ADGRL3: variants seen among roughly 807,000 people sequenced by gnomAD.
The protein encoded by ADGRL3 is calcium-independent alpha-latrotoxin receptor 3.
Under a neutral mutation model 153.5 loss-of-function variants are expected in ADGRL3, and 62 were observed. The observed-to-expected ratio is 0.40, with a 90% CI of 0.33 to 0.50. The LOEUF (loss-of-function observed/expected upper bound fraction) is 0.50. Ranked by LOEUF, ADGRL3 falls within the 20% of genes least tolerant of loss-of-function variation. The pLI, the probability that ADGRL3 is intolerant of heterozygous loss-of-function variation, is 0.47. For synonymous variants in ADGRL3, 710 were observed against 672.5 expected, an observed-to-expected ratio of 1.06 and a Z score of -0.86; for missense variants, 1,641 against 1,859.4, an observed-to-expected ratio of 0.88 and a Z score of 2.16.
At chr4:61,897,448 A>G (rs1167801795) in intron 11 of ADGRL3, among the ~76,000 whole-genome samples, 2 of 152,322 alleles carry the variant, frequency 1.3e-5, no homozygotes, top group East Asian at 3.9e-4. Context: ...TCAAGACATC[A>G]TACTTAACCA....
At chr4:61,390,788 C>G (rs2096793125) in intron 2 of ADGRL3, among the ~76,000 whole-genome samples, 1 of 152,102 alleles carries the variant, frequency 6.6e-6, no homozygotes, top group Non-Finnish European at 1.5e-5. Flanking sequence ...ACAGTTTTAT[C>G]ACCTAAAAAT....
intron 6 of ADGRL3, among the ~76,000 whole-genome samples, chr4:61,703,451 A>C (rs899248289): frequency 2.0e-5 from 3 of 152,128 alleles, no homozygotes; most frequent in African/African-American, 7.2e-5. Context: ...ATGCTGAGAA[A>C]TTAGTATTTA....
intron 8 of ADGRL3, among the ~76,000 whole-genome samples, chr4:61,805,672 T>G (rs1461623300): frequency 6.6e-6 from 1 of 152,168 alleles, no homozygotes; most frequent in African/African-American, 2.4e-5. Context: ...TTAATCCAAG[T>G]TTTTCATATT....
intron 2 of ADGRL3, among the ~76,000 whole-genome samples, chr4:61,395,619 T>C (rs571784291): frequency 2.6e-5 from 4 of 152,058 alleles, no homozygotes; most frequent in East Asian, 3.9e-4. Flanking sequence ...ATGACAAATA[T>C]AATAAAAACA....
At chr4:61,479,746 G>T (rs1011103162) in intron 2 of ADGRL3, among the ~76,000 whole-genome samples, 3 of 151,968 alleles carry the variant, frequency 2.0e-5, no homozygotes, top group African/African-American at 7.3e-5. Context: ...TTTGCATAAT[G>T]GTTTAAAATT....
At chr4:61,874,965 C>T (rs976758342) in intron 9 of ADGRL3, among the ~76,000 whole-genome samples, 4 of 150,828 alleles carry the variant, frequency 2.7e-5, no homozygotes, top group Non-Finnish European at 5.9e-5. Context: ...CCCACCACCG[C>T]GCCCGGCTAA....
Position 61,979,766 on chromosome 4 carries a change from C to T in ADGRL3, c.3009C>T (p.Asp1003=), listed in dbSNP as rs372153202. The T allele has an allele frequency of 4.3e-6, 7 of 1,613,460 alleles. No homozygotes were observed. The African/African-American group carries it at 9.3e-5, about 22-fold the overall frequency. ...TCCTGATTGGGATCAACCGAACTGA[C>T]CAACCAGTAAGCAACCTACATTGAT... ...LLFLIGINRT[D]QPIACAVFAA... is the part of the protein sequence containing the mutation. Residue 1003 remains aspartate, a synonymous_variant, in exon 18 of 27, where the codon GAC becomes GAT. Coordinates refer to ENST00000683033, the MANE Select transcript of ADGRL3 (RefSeq NM_001387552.1).
chr4:61,815,390 T>C (rs1344319641), intron 9 of ADGRL3, among the ~76,000 whole-genome samples: 1 of 152,184 alleles, frequency 6.6e-6, no homozygotes, highest in Non-Finnish European at 1.5e-5. Flanking sequence ...GAGAAACATA[T>C]TTCTGGTGTT....
intron 25 of ADGRL3, among the ~76,000 whole-genome samples, chr4:62,046,631 T>G (rs1029779682): frequency 6.6e-6 from 1 of 151,998 alleles, no homozygotes; most frequent in East Asian, 1.9e-4. Flanking sequence ...AATAAATTAA[T>G]TTAATGATGA....
At chr4:61,884,121 G>A (rs1485475112) in intron 9 of ADGRL3, among the ~76,000 whole-genome samples, 1 of 152,142 alleles carries the variant, frequency 6.6e-6, no homozygotes, top group African/African-American at 2.4e-5. Context: ...AATAAATATG[G>A]ATGGAATAAA....
chr4:61,570,034 A>G (rs967499727), intron 4 of ADGRL3, among the ~76,000 whole-genome samples: 1 of 152,140 alleles, frequency 6.6e-6, no homozygotes, highest in African/African-American at 2.4e-5. Flanking sequence ...GAATATTGCT[A>G]CTATGAACGT....
intron 2 of ADGRL3, among the ~76,000 whole-genome samples, chr4:61,434,471 A>G (rs1351447880): frequency 2.0e-5 from 3 of 152,122 alleles, no homozygotes; most frequent in Non-Finnish European, 4.4e-5. Context: ...GTATTTGACT[A>G]TGAAATTCAG....
chr4:62,040,419 A>G (rs1727602479), intron 24 of ADGRL3, among the ~76,000 whole-genome samples: 1 of 152,100 alleles, frequency 6.6e-6, no homozygotes, highest in African/African-American at 2.4e-5. Context: ...GTAAGGTTAT[A>G]GTTACTTAAA....
chr4:61,933,325 A>G (rs768746038), intron 13 of ADGRL3, among the ~76,000 whole-genome samples: 1 of 151,138 alleles, frequency 6.6e-6, no homozygotes, highest in Non-Finnish European at 1.5e-5. Context: ...TTTTTTTGGC[A>G]TATCCTGTTG....
intron 9 of ADGRL3, among the ~76,000 whole-genome samples, chr4:61,850,830 G>A (rs542731416): frequency 2.6e-5 from 4 of 152,108 alleles, no homozygotes; most frequent in African/African-American, 9.6e-5. Flanking sequence ...TATCATCTGT[G>A]GATCAACAAA....
At chr4:61,207,674 A>G (rs1320768185) in intron 1 of ADGRL3, among the ~76,000 whole-genome samples, 1 of 152,204 alleles carries the variant, frequency 6.6e-6, no homozygotes, top group Non-Finnish European at 1.5e-5. Context: ...AACAGTGTAA[A>G]AGCATTCCTA....
At chr4:61,629,157 A>G (rs1280170493) in intron 5 of ADGRL3, among the ~76,000 whole-genome samples, 1 of 152,226 alleles carries the variant, frequency 6.6e-6, no homozygotes, top group Non-Finnish European at 1.5e-5. Flanking sequence ...GCTTAAAAGT[A>G]CTATGGAGAT....
chr4:61,605,488 T>G (rs2099029009), intron 5 of ADGRL3, among the ~76,000 whole-genome samples: 1 of 152,164 alleles, frequency 6.6e-6, no homozygotes, highest in African/African-American at 2.4e-5. Flanking sequence ...TGTAGAAGCA[T>G]CTGGCAAACT....
At chr4:61,995,197 C>A (rs1245697145) in intron 19 of ADGRL3, among the ~76,000 whole-genome samples, 7 of 146,284 alleles carry the variant, frequency 4.8e-5, no homozygotes, top group Admixed American at 4.1e-4. Flanking sequence ...AGACACCACA[C>A]CCAGCCCCCA....
Sources: gnomAD v4.1 joint callset for allele counts (sites outside exome capture counted in the v4.1 genomes callset) on GRCh38, gnomAD v4.1.1 for gene constraint, MANE v1.5 for transcripts, NCBI Gene and HGNC (gene_info 2026-07-23, HGNC 2026-07-21) for gene names.